Variants in PAFAH1B1 observed in about 807,000 individuals in gnomAD.
PAFAH1B1 encodes the protein platelet activating factor acetylhydrolase 1b regulatory subunit 1.
PAFAH1B1 carries 2 observed loss-of-function variants against 57.5 expected under a neutral mutation model. The observed-to-expected ratio is 0.03, with a 90% CI of 0.01 to 0.11. The LOEUF (loss-of-function observed/expected upper bound fraction) is 0.11, where lower values mean the gene tolerates loss of function less well. Ranked by LOEUF, PAFAH1B1 falls within the 10% of genes least tolerant of loss-of-function variation. The pLI is 1.00. For synonymous variants in PAFAH1B1, 152 were observed against 169.6 expected (o/e 0.90, Z 0.81); for missense variants, 257 against 512.0 (o/e 0.50, Z 4.81).
chr17:2,640,141 C>G (rs2068676766), intron 2 of PAFAH1B1: 1 of 152,126 alleles, frequency 6.6e-6, no homozygotes, highest in South Asian at 2.1e-4. Flanking sequence ...AATACCTTTT[C>G]CCACAAATAA....
At chr17:2,680,001 T>C (rs2151673640) in intron 9 of PAFAH1B1, 163 bp from the exon 10 acceptor site, 3 of 689,696 alleles carry the variant, frequency 4.3e-6, no homozygotes, top group Non-Finnish European at 7.5e-6. Context: ...TCACTCCTCA[T>C]GTCTTATGAG....
intron 1 of PAFAH1B1, among the ~76,000 whole-genome samples, chr17:2,618,407 T>G (rs1289682199): frequency 6.6e-6 from 1 of 152,128 alleles, no homozygotes; most frequent in African/African-American, 2.4e-5. Context: ...AAAACAATTT[T>G]AAAACTCTAG....
intron 1 of PAFAH1B1, among the ~76,000 whole-genome samples, chr17:2,607,116 G>T (rs1331550550): frequency 6.6e-6 from 1 of 152,078 alleles, no homozygotes; most frequent in Non-Finnish European, 1.5e-5. Flanking sequence ...GAGCCACCAC[G>T]CTTGGCCTAG....
chr17:2,594,027 G>T (rs2068054247), intron 1 of PAFAH1B1, 21 bp downstream of exon 1: 1 of 397,824 alleles, frequency 2.5e-6, no homozygotes, highest in Non-Finnish European at 4.4e-6. Flanking sequence ...GCGGGTCTGC[G>T]CCCTCCCCTC....
At chr17:2,633,237 A>G (rs969466959) in intron 1 of PAFAH1B1, among the ~76,000 whole-genome samples, 2 of 149,356 alleles carry the variant, frequency 1.3e-5, no homozygotes, top group Non-Finnish European at 3.0e-5. Flanking sequence ...ATGCAATCTC[A>G]GCTCACTGCA....
At chr17:2,681,648 T>G in intron 10 of PAFAH1B1, 81 bp from the exon 11 acceptor site, 1 of 1,097,220 alleles carries the variant, frequency 9.1e-7, no homozygotes, top group Non-Finnish European at 1.4e-6. Context: ...TAATTTTGTA[T>G]TTTGTAGAGA....
At chr17:2,665,499 G>A in intron 3 of PAFAH1B1, 43 bp downstream of exon 3, 19 of 1,098,146 alleles carry the variant, frequency 1.7e-5, no homozygotes, top group Non-Finnish European at 2.4e-5. Context: ...TTAATGAGTG[G>A]ATTTTCACTC....
intron 1 of PAFAH1B1, among the ~76,000 whole-genome samples, chr17:2,628,788 G>T (rs538390793): frequency 2.6e-5 from 4 of 152,028 alleles, no homozygotes; most frequent in African/African-American, 9.7e-5. Flanking sequence ...TCTGTTCAGC[G>T]TATCTAATTC....
rs183414807 is a variant in PAFAH1B1 at position 2,597,495 on chromosome 17, C to G, written c.-191+3489C>G. 3.0e-3 allele frequency among the ~76,000 whole-genome samples: 425 copies of G among 143,788 alleles called. 1 individual carries two copies. The highest frequency in any genetic ancestry group is 9.9e-3 in the African/African-American group (381 of 38,574). The allele number at this position is 143,788 out of a possible 152,430, so 94.3% of individuals were successfully genotyped here. ...GGGTGATCTCAGCTCACTGCAACCT[C>G]TGCCTTCTGGGTTCAAGCGATTCTC... On this transcript the variant is annotated intron_variant, in intron 1 of 10. Coordinates refer to ENST00000397195, the MANE Select transcript of PAFAH1B1 (RefSeq NM_000430.4).
chr17:2,655,353 A>G (rs141221176), intron 2 of PAFAH1B1, among the ~76,000 whole-genome samples: 137 of 152,194 alleles, frequency 9.0e-4, no homozygotes, highest in African/African-American at 3.1e-3. Context: ...GATGGAGGGT[A>G]TTCTAGAGAA....
chr17:2,653,169 GA>G (rs2068888349), intron 2 of PAFAH1B1, among the ~76,000 whole-genome samples: 3 of 152,032 alleles, frequency 2.0e-5, no homozygotes. Context: ...CTATTGCAGG[GA>G]CAAAAAACCA....
chr17:2,654,966 TTTA>T (rs1249466096), intron 2 of PAFAH1B1, among the ~76,000 whole-genome samples: 1 of 151,036 alleles, frequency 6.6e-6, no homozygotes, highest in African/African-American at 2.4e-5. Context: ...TTTTTTTTTT[TTTA>T]AAAGAGACAG....
At chr17:2,631,333 T>C (rs1331815195) in intron 1 of PAFAH1B1, among the ~76,000 whole-genome samples, 1 of 152,148 alleles carries the variant, frequency 6.6e-6, no homozygotes, top group Non-Finnish European at 1.5e-5. Flanking sequence ...AGTTCTTCCG[T>C]AGTCTGTGAA....
chr17:2,650,426 CA>C (rs1175433790), intron 2 of PAFAH1B1, among the ~76,000 whole-genome samples: 2 of 151,792 alleles, frequency 1.3e-5, no homozygotes, highest in African/African-American at 2.4e-5. Flanking sequence ...ACAGGAGAAT[CA>C]CTTGAACCCG....
chr17:2,651,677 T>C (rs559529724), intron 2 of PAFAH1B1, among the ~76,000 whole-genome samples: 52 of 151,354 alleles, frequency 3.4e-4, no homozygotes, highest in African/African-American at 1.2e-3. Context: ...TCTTAAATTA[T>C]TTTCCCAAAA....
chr17:2,668,785 C>T (rs1448457354), intron 5 of PAFAH1B1, among the ~76,000 whole-genome samples: 1 of 152,102 alleles, frequency 6.6e-6, no homozygotes, highest in Non-Finnish European at 1.5e-5. Flanking sequence ...ACCATCCTGG[C>T]TAACATGGTG....
intron 6 of PAFAH1B1, among the ~76,000 whole-genome samples, chr17:2,671,596 C>CT (rs1216997597): frequency 0.019 from 2,176 of 116,038 alleles, 248 homozygotes; most frequent in African/African-American, 0.053. Context: ...CCAACACCAC[C>CT]TTTTTTTTTT....
At chr17:2,626,062 C>G (rs1428994378) in intron 1 of PAFAH1B1, among the ~76,000 whole-genome samples, 1 of 152,052 alleles carries the variant, frequency 6.6e-6, no homozygotes, top group Non-Finnish European at 1.5e-5. Context: ...ACCAGCCTGA[C>G]CAACATGGTG....
Position 2,653,875 on chromosome 17 carries a change from C to G in PAFAH1B1, c.33-11497C>G, listed in dbSNP as rs981189573. The stretch of plus-strand genomic sequence containing the variant: ...CCAGGCTGGAGTACAGTGGCGCAAT[C>G]TCGGCTTACTGCAACCTCCACCTCC... On this transcript the variant is annotated intron_variant, in intron 2 of 10. Transcript: ENST00000397195. 2.0e-4 allele frequency among the ~76,000 whole-genome samples: 30 copies of G among 152,254 alleles called. No homozygotes were observed. The East Asian group carries it at 5.8e-3, about 29-fold the overall frequency.
Sources: allele counts gnomAD v4.1 joint callset (sites outside exome capture counted in the v4.1 genomes callset), GRCh38; gene constraint gnomAD v4.1.1; transcripts MANE v1.5; gene names NCBI Gene and HGNC (gene_info 2026-07-23, HGNC 2026-07-21).